OSBPL9: variants seen among roughly 807,000 people sequenced by gnomAD.
OSBPL9 encodes the protein oxysterol-binding protein-related protein 9.
Under a neutral mutation model 106.6 loss-of-function variants are expected in OSBPL9, and 40 were observed. That is an observed-to-expected ratio of 0.38 (90% CI 0.29 to 0.49). The LOEUF is 0.49. Among genes scored for constraint, OSBPL9 ranks in the 20% least tolerant of loss-of-function variants. The pLI is 0.97. For missense variants in OSBPL9, 609 were observed against 887.2 expected, an observed-to-expected ratio of 0.69 and a Z score of 3.98; for synonymous variants, 269 against 295.4, an observed-to-expected ratio of 0.91 and a Z score of 0.92.
intron 9 of OSBPL9, among the ~76,000 whole-genome samples, chr1:51,759,191 G>T (rs1670986801): frequency 6.6e-6 from 1 of 151,678 alleles, no homozygotes. Context: ...AGTATTTGTG[G>T]CAGATAAACT....
At chr1:51,714,385 A>G (rs1660657458) in intron 4 of OSBPL9, among the ~76,000 whole-genome samples, 2 of 152,244 alleles carry the variant, frequency 1.3e-5, no homozygotes, top group African/African-American at 2.4e-5. Flanking sequence ...TCAGTTATCA[A>G]TACAACCAAA....
chr1:51,750,986 A>G (rs996042505), intron 8 of OSBPL9, among the ~76,000 whole-genome samples: 1 of 152,236 alleles, frequency 6.6e-6, no homozygotes, highest in Non-Finnish European at 1.5e-5. Flanking sequence ...ACTGTTGTTA[A>G]TGACACAATA....
chr1:51,527,188 A>C, the OSBPL9 span, among the ~76,000 whole-genome samples: 6,746 of 151,952 alleles, frequency 0.044, 234 homozygotes, highest in Middle Eastern at 0.11. Flanking sequence ...AGTTATTAAA[A>C]CTCTTTGACC....
the OSBPL9 span, among the ~76,000 whole-genome samples, chr1:51,540,665 A>AT: frequency 6.8e-6 from 1 of 147,376 alleles, no homozygotes; most frequent in African/African-American, 2.5e-5. Flanking sequence ...AAAAAAAAAA[A>AT]ATTTTTTTTG....
chr1:51,782,157 A>T (rs1043568202), intron 16 of OSBPL9, among the ~76,000 whole-genome samples: 1 of 152,184 alleles, frequency 6.6e-6, no homozygotes, highest in Non-Finnish European at 1.5e-5. Context: ...AGGCTTTAAG[A>T]AGTAAAAAAA....
intron 1 of OSBPL9, among the ~76,000 whole-genome samples, chr1:51,592,309 G>A (rs1645280918): frequency 6.6e-6 from 1 of 151,948 alleles, no homozygotes; most frequent in African/African-American, 2.4e-5. Context: ...TAGAGACAGG[G>A]TTTCACCGTG....
chr1:51,602,052 A>G (rs1645327416), intron 2 of OSBPL9, among the ~76,000 whole-genome samples: 1 of 60,316 alleles, frequency 1.7e-5, no homozygotes, highest in South Asian at 5.0e-4. Flanking sequence ...ACGGAGTCTC[A>G]CTCTTTCACC....
chr1:51,676,938 C>T (rs1651391864), intron 3 of OSBPL9, among the ~76,000 whole-genome samples: 1 of 152,108 alleles, frequency 6.6e-6, no homozygotes, highest in African/African-American at 2.4e-5. Context: ...CTGTTATGAA[C>T]CAGGCACTGT....
rs2300790 is a variant in OSBPL9 at position 51,714,499 on chromosome 1, A to G, written c.318+420A>G. Among the ~76,000 whole-genome samples, 736 of 152,290 alleles carry G rather than the reference A, an allele frequency of 4.8e-3. 42 individuals are homozygous for G. In the East Asian group the frequency reaches 0.12, roughly 26 times the overall value. ...TATGTGTCAGTTAGTACTCTTTTGTATGGTAGTGAAAGAAAACTCAACCCA... is the reference window on the plus strand; with the variant it reads ...TATGTGTCAGTTAGTACTCTTTTGTGTGGTAGTGAAAGAAAACTCAACCCA... On this transcript the variant is annotated intron_variant, in intron 4 of 23. Transcript: ENST00000428468.
At chr1:51,766,131 T>A (rs1274010415) in intron 12 of OSBPL9, 150 bp downstream of exon 12, 7 of 821,980 alleles carry the variant, frequency 8.5e-6, no homozygotes, top group Non-Finnish European at 1.3e-5. Context: ...GAAGTTTTTT[T>A]ATTGATGTAT....
chr1:51,661,434 G>T (rs1335369959), intron 2 of OSBPL9, among the ~76,000 whole-genome samples: 1 of 152,148 alleles, frequency 6.6e-6, no homozygotes, highest in African/African-American at 2.4e-5. Context: ...AAAACGAAAA[G>T]AGAGAAAGTC....
intron 3 of OSBPL9, among the ~76,000 whole-genome samples, chr1:51,701,628 T>C (rs1049677121): frequency 2.6e-5 from 4 of 151,050 alleles, no homozygotes; most frequent in African/African-American, 9.9e-5. Flanking sequence ...TTTCACTATA[T>C]AGTCAAAATA....
At chr1:51,764,607 G>T in intron 11 of OSBPL9, among the ~76,000 whole-genome samples, 1 of 144,554 alleles carries the variant, frequency 6.9e-6, no homozygotes. Flanking sequence ...TTTGAGACAA[G>T]GTCTCACTCT....
At chr1:51,611,713 T>G (rs1643989139) in intron 2 of OSBPL9, among the ~76,000 whole-genome samples, 1 of 152,184 alleles carries the variant, frequency 6.6e-6, no homozygotes, top group Admixed American at 6.6e-5. Context: ...GGCTCACACC[T>G]GTAATCCCAC....
intron 1 of OSBPL9, among the ~76,000 whole-genome samples, chr1:51,580,945 TATATATATA>T (rs1281531848): frequency 0.23 from 508 of 2,170 alleles, 135 homozygotes; most frequent in Middle Eastern, 0.67. Flanking sequence ...TATATATATA[TATATATATA>T]ACTTTTTTGA....
At chr1:51,628,598 G>A (rs1456938626) in intron 1 of OSBPL9, among the ~76,000 whole-genome samples, 2 of 149,676 alleles carry the variant, frequency 1.3e-5, no homozygotes, top group Non-Finnish European at 1.5e-5. Context: ...AAATAAAAAA[G>A]AAAAGAGAAA....
chr1:51,715,499 G>A (rs1660872273), intron 4 of OSBPL9, among the ~76,000 whole-genome samples: 1 of 152,086 alleles, frequency 6.6e-6, no homozygotes, highest in Non-Finnish European at 1.5e-5. Flanking sequence ...AATCTAGTTA[G>A]ATGTGGTTTG....
At position 51,677,089 on chromosome 1, in the gene OSBPL9, A is replaced by G. The variant is rs374313935; in HGVS notation, c.241+7577A>G. ...CCAAGATTCGTGCACATGTTGGTCT[A>G]CATCAGGGATTCTTAAAGTGTGGTT... On this transcript the variant is annotated intron_variant, in intron 3 of 23. Transcript: ENST00000428468. Among the ~76,000 whole-genome samples the G allele has an allele frequency of 9.2e-4, 140 of 152,346 alleles. 1 individual carries two copies. Among genetic ancestry groups the G allele is most frequent in the African/African-American group, 3.3e-3 (138 of 41,576 alleles).
At chr1:51,534,003 G>A in the OSBPL9 span, among the ~76,000 whole-genome samples, 4 of 151,722 alleles carry the variant, frequency 2.6e-5, no homozygotes, top group South Asian at 2.1e-4. Context: ...TCAGGAGTTC[G>A]AGACTAGCCT....
Sources: gnomAD v4.1 joint callset for allele counts (sites outside exome capture counted in the v4.1 genomes callset) on GRCh38, gnomAD v4.1.1 for gene constraint, MANE v1.5 for transcripts, NCBI Gene and HGNC (gene_info 2026-07-23, HGNC 2026-07-21) for gene names.